Variants in SPEG observed in about 807,000 individuals in gnomAD.
The protein encoded by SPEG is striated muscle enriched protein kinase, also known as striated muscle preferentially expressed protein kinase.
In SPEG, 114 loss-of-function variants were observed where a neutral mutation model predicts 300.4. The observed-to-expected ratio is 0.38, with a 90% CI of 0.33 to 0.44. The LOEUF (loss-of-function observed/expected upper bound fraction) is 0.44. Ranked by LOEUF, SPEG falls within the 20% of genes least tolerant of loss-of-function variation. The pLI, the probability that SPEG is intolerant of heterozygous loss-of-function variation, is 1.00. For synonymous variants in SPEG, 1,964 were observed against 2,018.9 expected, an observed-to-expected ratio of 0.97 and a Z score of 0.73; for missense variants, 4,201 against 4,586.2, an observed-to-expected ratio of 0.92 and a Z score of 2.43.
Position 219,435,313 on chromosome 2 carries a change from C to A in SPEG, c.336C>A (p.Asn112Lys). ...DAGVYSCMAQ[N>K]ERGRASCEAV... ...GCGTGTACAGCTGCATGGCCCAGAA[C>A]GAGCGGGGCCGGGCCTCCTGCGAGG... Residue 112 changes from asparagine to lysine, a missense_variant, in exon 1 of 41, where the codon AAC becomes AAA. Around this residue, in one of 4 missense-constraint regions of SPEG, gnomAD observed 1,258 missense variants for 1,293.9 expected, o/e 0.97. Transcript: ENST00000312358. 6 of 1,534,584 alleles carry A rather than the reference C, an allele frequency of 3.9e-6. No homozygotes were observed. In the East Asian group the frequency reaches 7.4e-5, roughly 19 times the overall value.
chr2:219,489,208 C>T lies in SPEG; in HGVS notation c.8304C>T (p.Val2768=). Reference sequence around the variant, plus strand: ...GCAACTCTTCTGAGAAGGTCTTTGTCAGGGGTACTCAAGGTCAGTGCAATG... The same window carrying T: ...GCAACTCTTCTGAGAAGGTCTTTGTTAGGGGTACTCAAGGTCAGTGCAATG... The part of the protein sequence containing the change: ...PFSNSSEKVF[V]RGTQDSSAVP... Residue 2768 remains valine (V), a synonymous_variant, in exon 35 of 41, where the codon GTC becomes GTT. Transcript: ENST00000312358. 6.2e-7 allele frequency: 1 copy of T among 1,613,902 alleles called. No homozygotes were observed. The highest frequency in any genetic ancestry group is 8.5e-7 in the Non-Finnish European group (1 of 1,179,918).
At chr2:219,485,314 G>A in intron 30 of SPEG, 32 bp from the exon 31 acceptor site, 1 of 1,595,024 alleles carries the variant, frequency 6.3e-7, no homozygotes, top group Non-Finnish European at 8.5e-7. Context: ...GGTACTGACT[G>A]AACAAATACT....
rs199549168 is a variant in SPEG, at chr2:219,483,206, A to C, written c.5743A>C (p.Ser1915Arg). The stretch of plus-strand genomic sequence containing the variant: ...GACCATGCCCAGAAGGCCACCCCCC[A>C]GTGGGGGGCTCTCATCCTCCTCGGA... Reference protein sequence around the residue: ...WVTMPRRPPPSGGLSSSSDSE... With the variant: ...WVTMPRRPPPRGGLSSSSDSE... Residue 1915 changes from serine to arginine, a missense_variant, in exon 30 of 41, where the codon AGT (serine) becomes CGT (arginine). By Grantham distance (110) the Ser-to-Arg change is moderately radical. Transcript: ENST00000312358. 3.1e-5 allele frequency: 50 copies of C among 1,609,968 alleles called. No individual in the cohort carries two copies. The African/African-American group carries it at 4.7e-4, about 15-fold the overall frequency.
chr2:219,489,072 C>A lies in SPEG; in HGVS notation c.8168C>A (p.Pro2723His). The A allele has an allele frequency of 6.2e-7, 1 of 1,613,874 alleles. No individual in the cohort carries two copies. The highest frequency in any genetic ancestry group is 8.5e-7 in the Non-Finnish European group (1 of 1,179,946). The change falls in exon 35 of 41, where the codon CCT becomes CAT. Residue 2723 changes from proline (P) to histidine (H), a missense_variant. This residue lies in a region of SPEG where 1,578 missense variants were observed against 1,506.0 expected (regional missense o/e 1.05). Transcript: ENST00000312358. ...RRVDGESVWHPVSSGIPDCYY... is the reference protein window; with the variant it reads ...RRVDGESVWHHVSSGIPDCYY... The stretch of plus-strand genomic sequence containing the variant: ...CCTATAGGGGAGTCTGTGTGGCACC[C>A]TGTGAGCTCAGGCATCCCCGACTGT...
intron 40 of SPEG, 58 bp downstream of exon 40, chr2:219,492,318 G>A: frequency 6.4e-7 from 1 of 1,553,132 alleles, no homozygotes; most frequent in Non-Finnish European, 8.8e-7. Flanking sequence ...CCTGGCCTGT[G>A]CCAGAGATCT....
rs570861370 is a variant in SPEG, at chr2:219,478,005, C to T, written c.4927C>T (p.Arg1643Cys). The T allele has an allele frequency of 2.5e-4, 410 of 1,614,176 alleles. No homozygotes were observed. The highest frequency in any genetic ancestry group is 3.2e-4 in the Non-Finnish European group (372 of 1,180,032). ...PSQAKPKASA[R>C]REARLLARLQ... ...CCAGGCCAAGCCAAAGGCATCAGCG[C>T]GTCGGGAGGCCCGGCTGCTGGCCAG... Residue 1643 changes from arginine to cysteine, a missense_variant, in exon 22 of 41, where the codon CGT (arginine) becomes TGT (cysteine). Transcript: ENST00000312358.
At position 219,467,733 on chromosome 2, in the gene SPEG, C is replaced by G. The variant is rs11688464; in HGVS notation, c.3142+299C>G. ...CAGCCATATAACTTTGAACAAGTCA[C>G]TTCATCTCTCTGAGCTTTAGCCTGT... is the stretch of plus-strand genomic sequence containing the variant. On this transcript the variant is annotated intron_variant, in intron 10 of 40. Coordinates refer to ENST00000312358, the MANE Select transcript of SPEG (RefSeq NM_005876.5). Among the ~76,000 whole-genome samples the G allele has an allele frequency of 0.44, 66,247 of 152,200 alleles. 16,271 individuals carry two copies. Among genetic ancestry groups the G allele is most frequent in the East Asian group, 0.67 (3,451 of 5,176 alleles).
At position 219,492,241 on chromosome 2, in the gene SPEG, G is replaced by T; in HGVS notation, c.9592G>T (p.Val3198Phe). The T allele has an allele frequency of 6.2e-7, 1 of 1,613,434 alleles. No individual in the cohort carries two copies. The highest frequency in any genetic ancestry group is 8.5e-7 in the Non-Finnish European group (1 of 1,179,814). The change falls in exon 40 of 41, where the codon GTT (valine) becomes TTT (phenylalanine). Residue 3198 changes from valine to phenylalanine, a missense_variant. Val to Phe is a conservative substitution (Grantham distance 50). This residue lies in a region of SPEG where 318 missense variants were observed against 429.5 expected (regional missense o/e 0.74). Coordinates refer to ENST00000312358, the MANE Select transcript of SPEG (RefSeq NM_005876.5). The stretch of plus-strand genomic sequence containing the variant: ...GAGCGCCACCCTCTTCTTGCGAAAG[G>T]TTCTCTCTGTACATCCCTGGTGAGT... ...SQSATLFLRK[V>F]LSVHPWSRPS... is the part of the protein sequence containing the mutation.
rs1689491611 is a variant in SPEG at position 219,448,524 on chromosome 2, G to A, written c.1366G>A (p.Glu456Lys). ...GGGCACCCCCGGGGCCTCGCAGGAA[G>A]AACTGCGGGCGCCAGGCAGCGTGGC... Reference protein sequence around the residue: ...PWGTPGASQEELRAPGSVAER... With the variant: ...PWGTPGASQEKLRAPGSVAER... The change falls in exon 4 of 41, where the codon GAA becomes AAA. Residue 456 changes from glutamate to lysine, a missense_variant. By Grantham distance (56) the Glu-to-Lys change is moderately conservative. Around this residue, in one of 4 missense-constraint regions of SPEG, gnomAD observed 1,258 missense variants for 1,293.9 expected, o/e 0.97. Coordinates refer to ENST00000312358, the MANE Select transcript of SPEG (RefSeq NM_005876.5). The A allele has an allele frequency of 6.9e-7, 1 of 1,446,644 alleles. No homozygotes were observed. Among genetic ancestry groups the A allele is most frequent in the Non-Finnish European group, 9.0e-7 (1 of 1,109,338 alleles). The allele number at this position is 1,446,644 out of a possible 1,614,324, so 89.6% of individuals were successfully genotyped here. A position where few individuals can be genotyped will look rare whatever the true frequency, so the allele number is the denominator to read the frequency against.
chr2:219,469,180 C>G lies in SPEG; in HGVS notation c.3516C>G (p.Ser1172=). 1 of 1,613,976 alleles carries G rather than the reference C, an allele frequency of 6.2e-7. No individual in the cohort carries two copies. The highest frequency in any genetic ancestry group is 8.5e-7 in the Non-Finnish European group (1 of 1,180,000). The change falls in exon 13 of 41, where the codon TCC becomes TCG. Residue 1172 remains serine (S), a synonymous_variant. Transcript: ENST00000312358. ...GCTCGAAGCTGGAGAAGATGCCATC[C>G]ATTCCCGAGGAGCCAGAGCAGGGTG... The part of the protein sequence containing the change: ...GPSSKLEKMP[S]IPEEPEQGEL...
chr2:219,469,419 C>T, intron 13 of SPEG, 40 bp downstream of exon 13: 1 of 1,521,752 alleles, frequency 6.6e-7, no homozygotes. Context: ...TCCCCTGCAG[C>T]ACCCACTTGG....
Position 219,489,879 on chromosome 2 carries a change from G to A in SPEG, c.8861G>A (p.Gly2954Asp), listed in dbSNP as rs1298116915. 4 of 1,605,834 alleles carry A rather than the reference G, an allele frequency of 2.5e-6. No homozygotes were observed. The highest frequency in any genetic ancestry group is 3.4e-6 in the Non-Finnish European group (4 of 1,174,330). Reference protein sequence around the residue: ...SSPRSSPRPEGTTLRQGPPQK... With the variant: ...SSPRSSPRPEDTTLRQGPPQK... Reference sequence around the variant, plus strand: ...CCCCGAAGCTCTCCCAGGCCTGAGGGTACCACTCTTCGACAGGGTCCCCCT... The same window carrying A: ...CCCCGAAGCTCTCCCAGGCCTGAGGATACCACTCTTCGACAGGGTCCCCCT... The change falls in exon 36 of 41, where the codon GGT (glycine) becomes GAT (aspartate). Residue 2954 changes from glycine (G) to aspartate (D), a missense_variant. This residue lies in a region of SPEG where 1,578 missense variants were observed against 1,506.0 expected (regional missense o/e 1.05). Transcript: ENST00000312358.
chr2:219,479,766 G>C lies in SPEG; in HGVS notation c.5086-17G>C. 6.2e-7 allele frequency: 1 copy of C among 1,613,086 alleles called. No homozygotes were observed. Among genetic ancestry groups the C allele is most frequent in the East Asian group, 2.2e-5 (1 of 44,880 alleles). ...ACCACCCTTCCCCCTCAGACTCTGG[G>C]CCCACTATTTCCACAGATCCGGGCC... On this transcript the variant is annotated splice_polypyrimidine_tract_variant and intron_variant, in intron 23 of 40. Transcript: ENST00000312358. The surrounding 1 kb of genome is among the most constrained non-coding windows in gnomAD (Gnocchi z 5.5).
At chr2:219,447,038 C>T (rs892936055) in intron 3 of SPEG, among the ~76,000 whole-genome samples, 6 of 151,420 alleles carry the variant, frequency 4.0e-5, no homozygotes, top group African/African-American at 1.2e-4. Flanking sequence ...CCCTCCTCCC[C>T]GCAAGGGTCC....
chr2:219,491,222 C>T (rs1263060681), intron 38 of SPEG, among the ~76,000 whole-genome samples: 1 of 152,188 alleles, frequency 6.6e-6, no homozygotes, highest in Non-Finnish European at 1.5e-5. Context: ...GCAGGATTCA[C>T]TACAGCCAAA....
At position 219,468,598 on chromosome 2, in the gene SPEG, C is replaced by A; in HGVS notation, c.3163C>A (p.Arg1055=). 6.2e-7 allele frequency: 1 copy of A among 1,613,104 alleles called. No homozygotes were observed. The highest frequency in any genetic ancestry group is 2.2e-5 in the East Asian group (1 of 44,890). ...TAKDELTCSA[R]LTVRPSLAPL... The stretch of plus-strand genomic sequence containing the variant: ...CACAGATGAGCTGACCTGCAGTGCC[C>A]GGCTGACCGTGCGGCCCTCGTTGGC... The change falls in exon 11 of 41, where the codon CGG becomes AGG. Residue 1055 remains arginine (R), a synonymous_variant. Transcript: ENST00000312358.
At chr2:219,491,897 C>A in intron 39 of SPEG, 28 bp downstream of exon 39, 1 of 1,562,282 alleles carries the variant, frequency 6.4e-7, no homozygotes, top group South Asian at 1.2e-5. Context: ...CACCGCAGCC[C>A]TCTCTGCCCA....
Position 219,451,598 on chromosome 2 carries a change from G to T in SPEG, c.2258-27G>T. 6.7e-7 allele frequency: 1 copy of T among 1,493,344 alleles called. No homozygotes were observed. The allele number at this position is 1,493,344 out of a possible 1,614,324, so 92.5% of individuals were successfully genotyped here. A position where few individuals can be genotyped will look rare whatever the true frequency, so the allele number is the denominator to read the frequency against. On this transcript the variant is annotated intron_variant, in intron 5 of 40. Coordinates refer to ENST00000312358, the MANE Select transcript of SPEG (RefSeq NM_005876.5). This position sits in a 1 kb window ranked among gnomAD's most constrained non-coding sequence, Gnocchi z 6.4. ...TCAGTGGGCGCCTGTGGGCCGTGGCGAGCCGGGTCCCTGTGCCTCCCCACA... is the reference window on the plus strand; with the variant it reads ...TCAGTGGGCGCCTGTGGGCCGTGGCTAGCCGGGTCCCTGTGCCTCCCCACA...
Position 219,443,261 on chromosome 2 carries a change from C to G in SPEG, c.389-1392C>G. On this transcript the variant is annotated intron_variant, in intron 1 of 40. Coordinates refer to ENST00000312358, the MANE Select transcript of SPEG (RefSeq NM_005876.5). This position sits in a 1 kb window ranked among gnomAD's most constrained non-coding sequence, Gnocchi z 4.6. ...AAGACAGCCCATGAGATGTGGAACC[C>G]TCCCACTCACCCCCACACTTATCTA... is the stretch of plus-strand genomic sequence containing the variant. The G allele has an allele frequency of 9.3e-7, 1 of 1,077,496 alleles. No individual in the cohort carries two copies. Among genetic ancestry groups the G allele is most frequent in the South Asian group, 1.2e-5 (1 of 80,096 alleles). The allele number at this position is 1,077,496 out of a possible 1,614,324, so 66.7% of individuals were successfully genotyped here.
Sources: allele counts gnomAD v4.1 joint callset (sites outside exome capture counted in the v4.1 genomes callset), GRCh38; gene constraint gnomAD v4.1.1; regional missense constraint gnomAD v4.1.1; non-coding constraint Gnocchi (gnomAD v3.1); transcripts MANE v1.5; gene names NCBI Gene and HGNC (gene_info 2026-07-23, HGNC 2026-07-21).